The following ZNF385D variants were observed in gnomAD, a reference collection of about 807,000 sequenced individuals.
ZNF385D encodes zinc finger protein 659.
A neutral mutation model predicts 35.8 loss-of-function variants in ZNF385D; 15 were observed. The observed-to-expected ratio is 0.42, with a 90% CI of 0.28 to 0.64. The LOEUF (loss-of-function observed/expected upper bound fraction) is 0.64, where lower values mean the gene tolerates loss of function less well. Ranked by LOEUF, ZNF385D falls within the 30% of genes least tolerant of loss-of-function variation. The pLI, the probability that ZNF385D is intolerant of heterozygous loss-of-function variation, is 0.23. For missense variants in ZNF385D, 474 were observed against 494.6 expected (o/e 0.96, Z 0.39); for synonymous variants, 212 against 186.8 (o/e 1.13, Z -1.10).
intron 3 of ZNF385D, among the ~76,000 whole-genome samples, chr3:22,019,468 AT>A (rs1224574017): frequency 6.6e-6 from 1 of 152,004 alleles, no homozygotes; most frequent in Non-Finnish European, 1.5e-5. Flanking sequence ...AAATTTATGA[AT>A]TCAGTAAAGA....
rs145825051 is a variant in ZNF385D, at chr3:22,317,231, C to G, written c.106+55219G>C. Among the ~76,000 whole-genome samples, 11 of 130,564 alleles carry G rather than the reference C, an allele frequency of 8.4e-5. No homozygotes were observed. In the East Asian group the frequency reaches 2.6e-3, roughly 31 times the overall value. The allele number at this position is 130,564 out of a possible 152,430, so 85.7% of individuals were successfully genotyped here. On this transcript the variant is annotated intron_variant, in intron 2 of 5. Coordinates refer to the ZNF385D transcript ENST00000494108. Reference sequence around the variant, plus strand: ...GGCAGAGGTTGCAGTGAGCCAAGATCGCGCTATTGCACACTCCAGCCTGGG... The same window carrying G: ...GGCAGAGGTTGCAGTGAGCCAAGATGGCGCTATTGCACACTCCAGCCTGGG...
intron 2 of ZNF385D, among the ~76,000 whole-genome samples, chr3:22,310,687 A>T (rs1280366585): frequency 6.6e-6 from 1 of 151,904 alleles, no homozygotes; most frequent in Non-Finnish European, 1.5e-5. Flanking sequence ...TTGTGTTATC[A>T]CTAGGAATAT....
At chr3:22,291,598 T>C (rs1003946400) in intron 2 of ZNF385D, among the ~76,000 whole-genome samples, 20 of 152,086 alleles carry the variant, frequency 1.3e-4, no homozygotes, top group Non-Finnish European at 4.4e-5. Context: ...TTTTATACTA[T>C]TCTTTACAAC....
chr3:22,187,931 C>G (rs1695749046), intron 2 of ZNF385D, among the ~76,000 whole-genome samples: 1 of 152,148 alleles, frequency 6.6e-6, no homozygotes, highest in South Asian at 2.1e-4. Flanking sequence ...CCACACTCTA[C>G]TCTCCAGAAC....
At chr3:22,321,673 A>C (rs1694441863) in intron 2 of ZNF385D, among the ~76,000 whole-genome samples, 1 of 152,014 alleles carries the variant, frequency 6.6e-6, no homozygotes, top group Non-Finnish European at 1.5e-5. Context: ...CTCAGTCTAT[A>C]TGTATTTAAT....
At position 21,950,019 on chromosome 3, in the gene ZNF385D, G is replaced by A. The variant is rs369189665; in HGVS notation, c.325+218798C>T. 1.8e-4 allele frequency among the ~76,000 whole-genome samples: 27 copies of A among 152,200 alleles called. No individual in the cohort carries two copies. The South Asian group carries it at 2.1e-3, about 12-fold the overall frequency. ...GTGAACAGTGCCACAATAAACATAT[G>A]TGTGCACATGTCTTTATAGTAGAAT... On this transcript the variant is annotated intron_variant, in intron 3 of 5. Transcript: ENST00000494108.
intron 3 of ZNF385D, among the ~76,000 whole-genome samples, chr3:21,939,131 CT>C (rs1349286363): frequency 6.6e-6 from 1 of 152,172 alleles, no homozygotes; most frequent in Non-Finnish European, 1.5e-5. Context: ...GACTAATGTG[CT>C]GTCATTACTA....
At chr3:21,523,392 G>A (rs1045622868) in intron 3 of ZNF385D, among the ~76,000 whole-genome samples, 1 of 152,224 alleles carries the variant, frequency 6.6e-6, no homozygotes, top group South Asian at 2.1e-4. Context: ...ATTTCACAGT[G>A]GCTTATCCTT....
At chr3:21,632,265 G>A (rs1282706056) in intron 2 of ZNF385D, among the ~76,000 whole-genome samples, 2 of 152,036 alleles carry the variant, frequency 1.3e-5, no homozygotes, top group East Asian at 3.9e-4. Flanking sequence ...TTTTTGGTAA[G>A]CATCATATAG....
At chr3:21,793,220 G>A (rs1336611812) in intron 3 of ZNF385D, among the ~76,000 whole-genome samples, 4 of 152,292 alleles carry the variant, frequency 2.6e-5, no homozygotes, top group Non-Finnish European at 5.9e-5. Context: ...AGCCATGAGA[G>A]CCACTGAAGC....
At chr3:21,723,452 A>G (rs1041557722) in intron 1 of ZNF385D, among the ~76,000 whole-genome samples, 3 of 152,224 alleles carry the variant, frequency 2.0e-5, no homozygotes, top group Admixed American at 6.5e-5. Flanking sequence ...TTAGAGAAGA[A>G]CATAAATGAC....
intron 4 of ZNF385D, among the ~76,000 whole-genome samples, chr3:21,447,563 T>G (rs1292053755): frequency 6.6e-6 from 1 of 152,212 alleles, no homozygotes; most frequent in East Asian, 1.9e-4. Context: ...TTAACATATG[T>G]AGTAATGGCC....
At chr3:21,728,596 G>C (rs1041333343) in intron 1 of ZNF385D, among the ~76,000 whole-genome samples, 2 of 152,160 alleles carry the variant, frequency 1.3e-5, no homozygotes, top group South Asian at 4.1e-4. Context: ...GTATACATCA[G>C]TTGCTTTTCC....
At chr3:22,314,291 A>C (rs1325896065) in intron 2 of ZNF385D, among the ~76,000 whole-genome samples, 2 of 151,928 alleles carry the variant, frequency 1.3e-5, no homozygotes, top group East Asian at 3.9e-4. Context: ...TTCCCCACTG[A>C]GTCCCCAAAG....
At chr3:21,961,622 G>A (rs1294869886) in intron 3 of ZNF385D, 1 of 151,802 alleles carries the variant, frequency 6.6e-6, no homozygotes, top group Non-Finnish European at 1.5e-5. Context: ...CTAAAGTAGG[G>A]CTACATACAT....
intron 2 of ZNF385D, among the ~76,000 whole-genome samples, chr3:22,207,137 T>A (rs564664944): frequency 6.6e-6 from 1 of 152,082 alleles, no homozygotes; most frequent in South Asian, 2.1e-4. Context: ...AGTAAGCCAA[T>A]GAATTTGAAA....
intron 3 of ZNF385D, among the ~76,000 whole-genome samples, chr3:22,143,381 G>A (rs958614178): frequency 1.6e-4 from 25 of 151,946 alleles, no homozygotes; most frequent in African/African-American, 7.3e-5. Flanking sequence ...ACCAAAATCG[G>A]GCATGTGTTT....
At chr3:22,179,911 G>A (rs996628480) in intron 2 of ZNF385D, among the ~76,000 whole-genome samples, 1 of 152,122 alleles carries the variant, frequency 6.6e-6, no homozygotes, top group African/African-American at 2.4e-5. Flanking sequence ...TCAAAAGCTA[G>A]CAGAAGGCAA....
At chr3:22,324,905 G>A (rs1233931461) in intron 2 of ZNF385D, among the ~76,000 whole-genome samples, 1 of 152,146 alleles carries the variant, frequency 6.6e-6, no homozygotes, top group East Asian at 1.9e-4. Context: ...AAACTGTCTG[G>A]ATTTCAATCT....
Sources: gnomAD v4.1 joint callset for allele counts (sites outside exome capture counted in the v4.1 genomes callset) on GRCh38, gnomAD v4.1.1 for gene constraint, MANE v1.5 for transcripts, NCBI Gene and HGNC (gene_info 2026-07-23, HGNC 2026-07-21) for gene names.